Variants in LRRC9 observed in about 807,000 individuals in gnomAD.
The protein encoded by LRRC9 is leucine-rich repeat-containing protein 9.
In LRRC9, 122 loss-of-function variants were observed where a neutral mutation model predicts 63.2. The observed-to-expected ratio is 1.93, with a 90% CI of 1.67 to 2.24. The LOEUF (loss-of-function observed/expected upper bound fraction) is 2.24. Among genes scored for constraint, LRRC9 ranks in the 30% most tolerant of loss-of-function variants. The pLI, the probability that LRRC9 is intolerant of heterozygous loss-of-function variation, is 0.00. For synonymous variants in LRRC9, 366 were observed against 213.1 expected (o/e 1.72, Z -6.25); for missense variants, 1,071 against 627.7 (o/e 1.71, Z -7.55).
At chr14:60,023,890 T>C (rs1210598861) in intron 27 of LRRC9, among the ~76,000 whole-genome samples, 5 of 152,144 alleles carry the variant, frequency 3.3e-5, no homozygotes, top group Non-Finnish European at 7.4e-5. Context: ...AGTGAGAACA[T>C]GCAGTGTTTG....
At chr14:60,008,730 G>A (rs1341580569) in intron 23 of LRRC9, among the ~76,000 whole-genome samples, 1 of 152,110 alleles carries the variant, frequency 6.6e-6, no homozygotes, top group Non-Finnish European at 1.5e-5. Context: ...AAATTCATAG[G>A]GCTCCTGTTT....
At chr14:60,034,654 C>G (rs967143986) in intron 29 of LRRC9, among the ~76,000 whole-genome samples, 2 of 152,054 alleles carry the variant, frequency 1.3e-5, no homozygotes, top group African/African-American at 4.8e-5. Flanking sequence ...CAATTCCATC[C>G]ATATTGCTGC....
intron 1 of LRRC9, among the ~76,000 whole-genome samples, chr14:59,921,512 G>A (rs918064832): frequency 3.3e-5 from 5 of 152,104 alleles, no homozygotes; most frequent in African/African-American, 9.7e-5. Flanking sequence ...GATTTAATGA[G>A]TGAATGAAAA....
At chr14:59,933,439 C>T (rs1180667358) in intron 6 of LRRC9, among the ~76,000 whole-genome samples, 1 of 152,156 alleles carries the variant, frequency 6.6e-6, no homozygotes, top group Non-Finnish European at 1.5e-5. Flanking sequence ...TAATGTTTAT[C>T]ACATATAATG....
At chr14:59,952,313 C>T (rs1046661240) in intron 8 of LRRC9, among the ~76,000 whole-genome samples, 2 of 152,224 alleles carry the variant, frequency 1.3e-5, no homozygotes, top group African/African-American at 4.8e-5. Context: ...AACTCCCTGA[C>T]CCCTTGCGCT....
At chr14:59,998,444 C>T (rs1889024462) in intron 18 of LRRC9, among the ~76,000 whole-genome samples, 1 of 151,872 alleles carries the variant, frequency 6.6e-6, no homozygotes, top group African/African-American at 2.4e-5. Context: ...TAGATTAATG[C>T]TAGGTAATTT....
exon 18 of LRRC9, chr14:59,997,704 G>A (rs1168618106): frequency 1.4e-6 from 1 of 702,334 alleles, no homozygotes; most frequent in African/African-American, 1.7e-5. Flanking sequence ...GATAACCCTT[G>A]AGGGATTTAG....
exon 20 of LRRC9, chr14:60,001,995 AGAG>A (rs1234088607): frequency 1.4e-6 from 1 of 698,084 alleles, no homozygotes; most frequent in South Asian, 1.5e-5. Flanking sequence ...CTAGTACTAA[AGAG>A]GAGAGACCAC....
chr14:59,994,313 A>G (rs1187480683), intron 17 of LRRC9, among the ~76,000 whole-genome samples: 6 of 152,226 alleles, frequency 3.9e-5, no homozygotes, highest in African/African-American at 7.2e-5. Context: ...ACAATGAGAT[A>G]CCATCTCACA....
At position 59,923,718 on chromosome 14, in the gene LRRC9, A is replaced by G. The variant is rs1325111724; in HGVS notation, c.-34+3835A>G. Among the ~76,000 whole-genome samples the G allele has an allele frequency of 6.6e-6, 1 of 152,232 alleles. No individual in the cohort carries two copies. The highest frequency in any genetic ancestry group is 1.9e-4 in the East Asian group (1 of 5,206). ...CACTCTGGGAAGCTGAGGTGGGTGG[A>G]TCACGAGGTCTGGAGATCAAGACCA... is the stretch of plus-strand genomic sequence containing the variant. On this transcript the variant is annotated intron_variant, in intron 1 of 31. Transcript: ENST00000445360. The surrounding 1 kb of genome is among the most constrained non-coding windows in gnomAD (Gnocchi z 4.2).
intron 8 of LRRC9, among the ~76,000 whole-genome samples, chr14:59,957,038 C>T (rs1468024531): frequency 6.6e-6 from 1 of 152,162 alleles, no homozygotes; most frequent in African/African-American, 2.4e-5. Context: ...GTAACCTGAC[C>T]TTTCTCTCTG....
At chr14:60,049,269 T>C (rs1215031306) in intron 29 of LRRC9, among the ~76,000 whole-genome samples, 4 of 152,198 alleles carry the variant, frequency 2.6e-5, no homozygotes, top group African/African-American at 4.8e-5. Flanking sequence ...AGGTTAGTAT[T>C]GTTATGTGTG....
intron 6 of LRRC9, among the ~76,000 whole-genome samples, chr14:59,933,572 A>G (rs1021230334): frequency 1.1e-4 from 17 of 152,340 alleles, no homozygotes; most frequent in African/African-American, 4.1e-4. Flanking sequence ...TTTTGAGTTC[A>G]TAAGTATTAA....
In LRRC9 at chr14:59,976,117, C is replaced by T. The variant is rs1477752338; in HGVS notation, c.1640-1108C>T. ...GAGAACCTAATGCCTGATGATATGT[C>T]ACTTGTCTCCCAACACCCCCAGATG... On this transcript the variant is annotated intron_variant, in intron 13 of 31. Coordinates refer to ENST00000445360, the Ensembl canonical transcript of LRRC9. Among the ~76,000 whole-genome samples, 3 of 152,240 alleles carry T rather than the reference C, an allele frequency of 2.0e-5. No homozygotes were observed. In the East Asian group the frequency reaches 5.8e-4, roughly 29 times the overall value.
chr14:59,960,650 A>T (rs1367593733), intron 9 of LRRC9, among the ~76,000 whole-genome samples: 1 of 152,224 alleles, frequency 6.6e-6, no homozygotes. Context: ...TCCAAGTGAC[A>T]TGTCTGAGAT....
At chr14:59,993,307 G>T (rs1043879386) in intron 17 of LRRC9, among the ~76,000 whole-genome samples, 11 of 152,122 alleles carry the variant, frequency 7.2e-5, no homozygotes, top group African/African-American at 2.7e-4. Context: ...AGCTCCTGAA[G>T]GAAGCACTAA....
chr14:60,003,481 C>T lies in LRRC9; in HGVS notation c.2665-140C>T. On this transcript the variant is annotated intron_variant, in intron 20 of 31. Transcript: ENST00000445360. This position sits in a 1 kb window ranked among gnomAD's most constrained non-coding sequence, Gnocchi z 4.2. ...ACTTTTCTGTAAACTGACAGCTTCA[C>T]AATATCTTTAGCTCCTGAAGGAATT... is the stretch of plus-strand genomic sequence containing the variant. 3 of 535,476 alleles carry T rather than the reference C, an allele frequency of 5.6e-6. No homozygotes were observed. Among genetic ancestry groups the T allele is most frequent in the Non-Finnish European group, 9.8e-6 (3 of 307,368 alleles). The allele number at this position is 535,476 out of a possible 1,614,324, so 33.2% of individuals were successfully genotyped here. A position where few individuals can be genotyped will look rare whatever the true frequency, so the allele number is the denominator to read the frequency against.
rs1312357724 is a variant in LRRC9, at chr14:60,058,013, G to A, written c.4267G>A (p.Glu1423Lys). Reference sequence around the variant, plus strand: ...GGGATCTGACGTCACTTTAACTCCTGAAGTTGAAGGTATTTTGACAATTTC... The same window carrying A: ...GGGATCTGACGTCACTTTAACTCCTAAAGTTGAAGGTATTTTGACAATTTC... The change falls in exon 31 of 32, where the codon GAA (glutamate) becomes AAA (lysine). Residue 1423 changes from glutamate to lysine, a missense_variant. By Grantham distance (56) the Glu-to-Lys change is moderately conservative (BLOSUM62 1). Transcript: ENST00000445360. This position sits in a 1 kb window ranked among gnomAD's most constrained non-coding sequence, Gnocchi z 4.4. The A allele has an allele frequency of 1.9e-5, 12 of 626,506 alleles. No individual in the cohort carries two copies. In the Admixed American group the frequency reaches 2.3e-4, roughly 12 times the overall value. The allele number at this position is 626,506 out of a possible 1,614,324, so 38.8% of individuals were successfully genotyped here.
intron 17 of LRRC9, among the ~76,000 whole-genome samples, chr14:59,991,782 ATTGCCC>A: frequency 3.1e-5 from 1 of 32,032 alleles, no homozygotes; most frequent in Non-Finnish European, 1.3e-4. Flanking sequence ...GGTGCCCGCC[ATTGCCC>A]AGGCTTCAGT....
Sources: gnomAD v4.1 joint callset for allele counts (sites outside exome capture counted in the v4.1 genomes callset) on GRCh38, gnomAD v4.1.1 for gene constraint, Gnocchi (gnomAD v3.1) non-coding constraint, MANE v1.5 for transcripts, NCBI Gene and HGNC (gene_info 2026-07-23, HGNC 2026-07-21) for gene names.